The following DENND4B variants were observed in gnomAD, a reference collection of about 807,000 sequenced individuals.
DENND4B encodes DENN domain containing 4B.
DENND4B carries 67 observed loss-of-function variants against 161.0 expected under a neutral mutation model. The observed-to-expected ratio is 0.42, with a 90% CI of 0.34 to 0.51. The LOEUF (loss-of-function observed/expected upper bound fraction) is 0.51. Ranked by LOEUF, DENND4B falls within the 20% of genes least tolerant of loss-of-function variation. DENND4B has a pLI of 0.08. For synonymous variants in DENND4B, 753 were observed against 813.8 expected (o/e 0.93, Z 1.27); for missense variants, 1,481 against 1,968.0 (o/e 0.75, Z 4.68).
Position 153,933,467 on chromosome 1 carries a change from C to T in DENND4B, c.3330+16G>A. Reference sequence around the variant, plus strand: ...CCACTAATGCTAAGGCATCTGGACCCTCCTTCACTGGCTACCTCGGAGGCA... The same window carrying T: ...CCACTAATGCTAAGGCATCTGGACCTTCCTTCACTGGCTACCTCGGAGGCA... On this transcript the variant is annotated intron_variant, in intron 20 of 27. Transcript: ENST00000361217. This position sits in a 1 kb window ranked among gnomAD's most constrained non-coding sequence, Gnocchi z 5.7. The T allele has an allele frequency of 6.4e-7, 1 of 1,570,760 alleles. No individual in the cohort carries two copies. The highest frequency in any genetic ancestry group is 1.2e-5 in the South Asian group (1 of 84,012).
Position 153,941,379 on chromosome 1 carries a change from C to A in DENND4B, c.1117G>T (p.Val373Leu). 1 of 1,613,612 alleles carries A rather than the reference C, an allele frequency of 6.2e-7. No homozygotes were observed. The change falls in exon 7 of 28, where the codon GTG (valine) becomes TTG (leucine). Residue 373 changes from valine (V) to leucine (L), a missense_variant. Physicochemically the swap from Val to Leu is conservative, Grantham distance 32. Around this residue, in one of 3 missense-constraint regions of DENND4B, gnomAD observed 806 missense variants for 1,134.4 expected, o/e 0.71. Transcript: ENST00000361217. The stretch of plus-strand genomic sequence containing the variant: ...GCCCCAGCCTCAGCTCTCACCTGCA[C>A]TAGGATGCGGGGTCTCTGTGGGGAA... ...FPSPQRPRIL[V>L]QMSPYDNLLL...
At chr1:153,939,160 C>T in intron 12 of DENND4B, 115 bp from the exon 13 acceptor site, 2 of 1,287,434 alleles carry the variant, frequency 1.6e-6, no homozygotes, top group Non-Finnish European at 2.1e-6. Context: ...AAGCCATAAT[C>T]TCTTGGACCC....
Position 153,942,540 on chromosome 1 carries a change from T to TAAAGGGGCCACTCACCTGCC in DENND4B, c.636_640+15dup, listed in dbSNP as rs1412432582. 4.4e-6 allele frequency: 7 copies of TAAAGGGGCCACTCACCTGCC among 1,591,234 alleles called. No homozygotes were observed. The highest frequency in any genetic ancestry group is 6.0e-6 in the Non-Finnish European group (7 of 1,168,652). Reference sequence around the variant, plus strand: ...ATGTAGGGTCACAGGATTGGAGGGATAAAGGGGCCACTCACCTGCCTCGTA... The same window carrying TAAAGGGGCCACTCACCTGCC: ...ATGTAGGGTCACAGGATTGGAGGGATAAAGGGGCCACTCACCTGCCAAAGGGGCCACTCACCTGCCTCGTA... On this transcript the variant is annotated intron_variant, in intron 4 of 27. Coordinates refer to ENST00000361217, the MANE Select transcript of DENND4B (RefSeq NM_014856.3). The surrounding 1 kb of genome is among the most constrained non-coding windows in gnomAD (Gnocchi z 6.9).
At position 153,936,434 on chromosome 1, in the gene DENND4B, T is replaced by C; in HGVS notation, c.2439+108A>G. The C allele has an allele frequency of 7.8e-7, 1 of 1,285,334 alleles. No homozygotes were observed. Among genetic ancestry groups the C allele is most frequent in the Non-Finnish European group, 1.1e-6 (1 of 943,064 alleles). 79.6% of individuals were successfully genotyped at this position (1,285,334 alleles called of 1,614,324 possible). A position where few individuals can be genotyped will look rare whatever the true frequency, so the allele number is the denominator to read the frequency against. ...TAGATAATCTGCCCAGCTCTGGGGCTCTGCAACTTCTTTCCTTAGTCTCCA... is the reference window on the plus strand; with the variant it reads ...TAGATAATCTGCCCAGCTCTGGGGCCCTGCAACTTCTTTCCTTAGTCTCCA... On this transcript the variant is annotated intron_variant, in intron 16 of 27. Coordinates refer to ENST00000361217, the MANE Select transcript of DENND4B (RefSeq NM_014856.3). This position sits in a 1 kb window ranked among gnomAD's most constrained non-coding sequence, Gnocchi z 4.1.
At position 153,940,375 on chromosome 1, in the gene DENND4B, A is replaced by G; in HGVS notation, c.1502+56T>C. On this transcript the variant is annotated intron_variant, in intron 10 of 27. Transcript: ENST00000361217. The surrounding 1 kb of genome is among the most constrained non-coding windows in gnomAD (Gnocchi z 5.6). Reference sequence around the variant, plus strand: ...TTTTTGAGCCCGTAGCACTCCACACACTAGCCCATTCCTGCCCACCACCCT... The same window carrying G: ...TTTTTGAGCCCGTAGCACTCCACACGCTAGCCCATTCCTGCCCACCACCCT... The G allele has an allele frequency of 1.3e-6, 2 of 1,590,718 alleles. No individual in the cohort carries two copies. Among genetic ancestry groups the G allele is most frequent in the East Asian group, 2.3e-5 (1 of 44,172 alleles).
Position 153,930,334 on chromosome 1 carries a change from T to C in DENND4B, c.4454A>G (p.Asp1485Gly). 1.9e-6 allele frequency: 3 copies of C among 1,613,994 alleles called. No individual in the cohort carries two copies. The East Asian group carries it at 6.7e-5, about 36-fold the overall frequency. The change falls in exon 28 of 28, where the codon GAC (aspartate) becomes GGC (glycine). Residue 1485 changes from aspartate (D) to glycine (G), a missense_variant. Coordinates refer to ENST00000361217, the MANE Select transcript of DENND4B (RefSeq NM_014856.3). This position sits in a 1 kb window ranked among gnomAD's most constrained non-coding sequence, Gnocchi z 4.7. ...RAQMPTPKAIDCRKCFGAPPE... is the reference protein window; with the variant it reads ...RAQMPTPKAIGCRKCFGAPPE... The stretch of plus-strand genomic sequence containing the variant: ...AGGTGCTCCAAAACATTTTCGGCAG[T>C]CAATGGCCTTGGGAGTGGGCATCTG...
At chr1:153,943,945 C>A in intron 2 of DENND4B, 113 bp downstream of exon 2, 1 of 1,232,842 alleles carries the variant, frequency 8.1e-7, no homozygotes, top group Non-Finnish European at 1.1e-6. Flanking sequence ...GGCCCCTGGC[C>A]CACCAGGCTC....
chr1:153,934,693 T>C lies in DENND4B; in HGVS notation c.2773+67A>G. The C allele has an allele frequency of 3.2e-6, 5 of 1,548,218 alleles. No homozygotes were observed. The highest frequency in any genetic ancestry group is 4.4e-6 in the Non-Finnish European group (5 of 1,149,042). On this transcript the variant is annotated intron_variant, in intron 18 of 27. Coordinates refer to ENST00000361217, the MANE Select transcript of DENND4B (RefSeq NM_014856.3). This position sits in a 1 kb window ranked among gnomAD's most constrained non-coding sequence, Gnocchi z 5.3. Reference sequence around the variant, plus strand: ...CCAACCATTAGACCAGCCCCAACTCTCTATGCCTTTCCCTGCCTGAGCCCA... The same window carrying C: ...CCAACCATTAGACCAGCCCCAACTCCCTATGCCTTTCCCTGCCTGAGCCCA...
Position 153,936,467 on chromosome 1 carries a change from T to A in DENND4B, c.2439+75A>T. 1 of 1,437,090 alleles carries A rather than the reference T, an allele frequency of 7.0e-7. No individual in the cohort carries two copies. The allele number at this position is 1,437,090 out of a possible 1,614,324, so 89.0% of individuals were successfully genotyped here. On this transcript the variant is annotated intron_variant, in intron 16 of 27. Coordinates refer to ENST00000361217, the MANE Select transcript of DENND4B (RefSeq NM_014856.3). This position sits in a 1 kb window ranked among gnomAD's most constrained non-coding sequence, Gnocchi z 4.1. ...TTCTTTCCTTAGTCTCCACCAAGTTTCCCTCTCACAGCCCTCTCCAGCTGC... is the reference window on the plus strand; with the variant it reads ...TTCTTTCCTTAGTCTCCACCAAGTTACCCTCTCACAGCCCTCTCCAGCTGC...
intron 12 of DENND4B, among the ~76,000 whole-genome samples, chr1:153,939,324 G>A (rs1210156641): frequency 6.6e-6 from 1 of 152,052 alleles, no homozygotes; most frequent in Non-Finnish European, 1.5e-5. Context: ...TGCCCGTGGG[G>A]GCTGCTCACT....
chr1:153,936,298 C>G lies in DENND4B; in HGVS notation c.2440-110G>C, dbSNP rs1679326970. On this transcript the variant is annotated intron_variant, in intron 16 of 27. Coordinates refer to ENST00000361217, the MANE Select transcript of DENND4B (RefSeq NM_014856.3). The surrounding 1 kb of genome is among the most constrained non-coding windows in gnomAD (Gnocchi z 4.1). ...CAATTCTCACAGACATCACTGGCCC[C>G]TGGCAGGTCCTGGGGCTACCTCAGA... 3 of 1,463,446 alleles carry G rather than the reference C, an allele frequency of 2.0e-6. No individual in the cohort carries two copies. Among genetic ancestry groups the G allele is most frequent in the South Asian group, 2.7e-5 (2 of 73,318 alleles). 90.7% of individuals were successfully genotyped at this position (1,463,446 alleles called of 1,614,324 possible). A position where few individuals can be genotyped will look rare whatever the true frequency, so the allele number is the denominator to read the frequency against.
At position 153,942,667 on chromosome 1, in the gene DENND4B, C is replaced by A. The variant is rs748369422; in HGVS notation, c.571-42G>T. On this transcript the variant is annotated intron_variant, in intron 3 of 27. Coordinates refer to ENST00000361217, the MANE Select transcript of DENND4B (RefSeq NM_014856.3). This position sits in a 1 kb window ranked among gnomAD's most constrained non-coding sequence, Gnocchi z 6.9. ...AAGAGACAAGCAGATACATAGCTAA[C>A]AAAGGTTTCTGGGGTCCACTTTCTC... The A allele has an allele frequency of 3.2e-6, 5 of 1,540,140 alleles. No homozygotes were observed. Among genetic ancestry groups the A allele is most frequent in the Non-Finnish European group, 4.4e-6 (5 of 1,145,504 alleles).
rs1324668992 is a variant in DENND4B, at chr1:153,930,323, A to T, written c.4465T>A (p.Cys1489Ser). The T allele has an allele frequency of 6.2e-7, 1 of 1,613,876 alleles. No individual in the cohort carries two copies. The highest frequency in any genetic ancestry group is 1.7e-5 in the Admixed American group (1 of 60,022). Residue 1489 changes from cysteine (C) to serine (S), a missense_variant, in exon 28 of 28, where the codon TGT becomes AGT. By Grantham distance (112) the Cys-to-Ser change is moderately radical. This residue lies in a region of DENND4B where 336 missense variants were observed against 503.3 expected (regional missense o/e 0.67). Coordinates refer to ENST00000361217, the MANE Select transcript of DENND4B (RefSeq NM_014856.3). This position sits in a 1 kb window ranked among gnomAD's most constrained non-coding sequence, Gnocchi z 4.7. ...PTPKAIDCRKCFGAPPEC is the reference protein window; with the variant it reads ...PTPKAIDCRKSFGAPPEC ...TAGCATTCTGGAGGTGCTCCAAAAC[A>T]TTTTCGGCAGTCAATGGCCTTGGGA... is the stretch of plus-strand genomic sequence containing the variant.
chr1:153,941,075 G>A (rs1356840615), intron 8 of DENND4B, 27 bp from the exon 9 acceptor site: 36 of 1,552,342 alleles, frequency 2.3e-5, no homozygotes, highest in Non-Finnish European at 2.8e-5. Flanking sequence ...GGTGGGGAAA[G>A]GGTCACCAGG....
At chr1:153,931,159 T>C in intron 24 of DENND4B, 95 bp from the exon 25 acceptor site, 1 of 942,368 alleles carries the variant, frequency 1.1e-6, no homozygotes, top group Non-Finnish European at 1.6e-6. Flanking sequence ...CAGAGGGCCA[T>C]TACAGGACAC....
At chr1:153,931,757 A>G (rs1678953675) in intron 24 of DENND4B, among the ~76,000 whole-genome samples, 1 of 151,642 alleles carries the variant, frequency 6.6e-6, no homozygotes, top group African/African-American at 2.4e-5. Flanking sequence ...TGGCCTCCCA[A>G]AATGCTGGGA....
intron 6 of DENND4B, 56 bp downstream of exon 6, chr1:153,941,813 C>T: frequency 6.4e-7 from 1 of 1,553,208 alleles, no homozygotes; most frequent in Non-Finnish European, 8.8e-7. Context: ...TCCCATCTCT[C>T]CTGGCCCCCT....
chr1:153,944,478 C>A lies in DENND4B; in HGVS notation c.-23-81G>T. 1 of 1,371,490 alleles carries A rather than the reference C, an allele frequency of 7.3e-7. No individual in the cohort carries two copies. The highest frequency in any genetic ancestry group is 9.7e-7 in the Non-Finnish European group (1 of 1,030,720). The allele number at this position is 1,371,490 out of a possible 1,614,324, so 85.0% of individuals were successfully genotyped here. ...AACCAGGGTACCCTCTTGCTCCCCT[C>A]CTCTTCCTAGTCCTTCCAAAGAAAG... is the stretch of plus-strand genomic sequence containing the variant. On this transcript the variant is annotated intron_variant, in intron 1 of 27. Transcript: ENST00000361217. This position sits in a 1 kb window ranked among gnomAD's most constrained non-coding sequence, Gnocchi z 4.8.
At position 153,942,574 on chromosome 1, in the gene DENND4B, T is replaced by C. The variant is rs1219830928; in HGVS notation, c.622A>G (p.Thr208Ala). 2 of 1,598,342 alleles carry C rather than the reference T, an allele frequency of 1.3e-6. No homozygotes were observed. Residue 208 changes from threonine (T) to alanine (A), a missense_variant, in exon 4 of 28, where the codon ACG becomes GCG. Physicochemically the swap from Thr to Ala is moderately conservative, Grantham distance 58. Transcript: ENST00000361217. The surrounding 1 kb of genome is among the most constrained non-coding windows in gnomAD (Gnocchi z 6.9). The part of the protein sequence containing the change: ...CYKVGLAKAN[T>A]LVYEAELLGR... ...CACTCACCTGCCTCGTACACCAGCG[T>C]GTTGGCCTTCGCCAGGCCCACCTTA...
Sources: gnomAD v4.1 joint callset for allele counts (sites outside exome capture counted in the v4.1 genomes callset) on GRCh38, gnomAD v4.1.1 for gene constraint, gnomAD v4.1.1 regional missense constraint, Gnocchi (gnomAD v3.1) non-coding constraint, MANE v1.5 for transcripts, NCBI Gene and HGNC (gene_info 2026-07-23, HGNC 2026-07-21) for gene names.